STPG2: variants seen among roughly 807,000 people sequenced by gnomAD.
STPG2 encodes sperm tail PG-rich repeat containing 2.
STPG2 carries 56 observed loss-of-function variants against 54.2 expected under a neutral mutation model. That is an observed-to-expected ratio of 1.03 (90% CI 0.83 to 1.29). The LOEUF is 1.29. STPG2 is among the 50% of genes most tolerant of loss of function. The pLI is 0.00. For synonymous variants in STPG2, 200 were observed against 181.8 expected, an observed-to-expected ratio of 1.10 and a Z score of -0.81; for missense variants, 596 against 544.9, an observed-to-expected ratio of 1.09 and a Z score of -0.93.
At chr4:97,889,664 A>G (rs1730696257) in intron 8 of STPG2, among the ~76,000 whole-genome samples, 1 of 152,184 alleles carries the variant, frequency 6.6e-6, no homozygotes, top group South Asian at 2.1e-4. Context: ...GGCTGGTAGT[A>G]AGGGAAAAAG....
At chr4:97,985,268 A>G (rs984320703) in intron 5 of STPG2, among the ~76,000 whole-genome samples, 37 of 152,162 alleles carry the variant, frequency 2.4e-4, no homozygotes, top group African/African-American at 8.7e-4. Flanking sequence ...AAATATATAT[A>G]TTACTGTTTA....
intron 4 of STPG2, among the ~76,000 whole-genome samples, chr4:97,519,763 GA>G (rs555144898): frequency 1.3e-5 from 2 of 148,964 alleles, no homozygotes; most frequent in Non-Finnish European, 3.0e-5. Context: ...GATTATTTCA[GA>G]AAAAAAAATG....
intron 3 of STPG2, among the ~76,000 whole-genome samples, chr4:98,116,258 A>G (rs1739524165): frequency 6.6e-6 from 1 of 151,778 alleles, no homozygotes; most frequent in African/African-American, 2.4e-5. Flanking sequence ...GAAACAAAAA[A>G]AAAATAGCTT....
At chr4:98,088,392 A>G (rs1022333168) in intron 5 of STPG2, among the ~76,000 whole-genome samples, 1 of 152,102 alleles carries the variant, frequency 6.6e-6, no homozygotes, top group Admixed American at 6.5e-5. Context: ...TATTTTTTCT[A>G]ATTGTTTCCT....
rs1740353868 is a variant in STPG2 at position 98,143,217 on chromosome 4, G to A, written c.-67C>T. ...GAAAACGATAAAAACAAGGTAGCTA[G>A]AAGTGTGGAGAAAAAGGAAGCCGAC... On this transcript the variant is annotated 5_prime_UTR_variant, in exon 1 of 11. Transcript: ENST00000295268. The A allele has an allele frequency of 7.1e-6, 9 of 1,260,746 alleles. No individual in the cohort carries two copies. Among genetic ancestry groups the A allele is most frequent in the African/African-American group, 1.5e-5 (1 of 67,020 alleles). The allele number at this position is 1,260,746 out of a possible 1,614,324, so 78.1% of individuals were successfully genotyped here.
intron 10 of STPG2, among the ~76,000 whole-genome samples, chr4:97,636,551 G>C (rs1443135397): frequency 2.3e-5 from 3 of 132,354 alleles, no homozygotes; most frequent in Admixed American, 1.5e-4. Flanking sequence ...ATGAATCCAG[G>C]AGCTGGTTTT....
At chr4:97,961,663 C>T (rs545050311) in intron 7 of STPG2, among the ~76,000 whole-genome samples, 30 of 152,144 alleles carry the variant, frequency 2.0e-4, no homozygotes, top group African/African-American at 7.2e-4. Flanking sequence ...TGTGATACCA[C>T]CTTACTCCTG....
chr4:97,834,071 C>T (rs772121655), intron 9 of STPG2, among the ~76,000 whole-genome samples: 4 of 152,048 alleles, frequency 2.6e-5, no homozygotes, highest in South Asian at 2.1e-4. Context: ...ATGTGTATTG[C>T]GGCACTCTTC....
At chr4:98,121,280 T>C (rs775828655) in intron 3 of STPG2, among the ~76,000 whole-genome samples, 40 of 152,224 alleles carry the variant, frequency 2.6e-4, no homozygotes, top group Non-Finnish European at 3.4e-4. Flanking sequence ...CCAAGCTGTT[T>C]TGGTTAATGT....
At chr4:97,457,167 C>T (rs530978411) in intron 4 of STPG2, among the ~76,000 whole-genome samples, 1 of 152,164 alleles carries the variant, frequency 6.6e-6, no homozygotes, top group East Asian at 1.9e-4. Context: ...TACAAAATGA[C>T]ACAGCCACTT....
intron 4 of STPG2, among the ~76,000 whole-genome samples, chr4:97,474,308 T>G (rs2148816841): frequency 6.6e-6 from 1 of 152,276 alleles, no homozygotes; most frequent in South Asian, 2.1e-4. Flanking sequence ...GTTGGCTTTC[T>G]TGCATTTTCC....
chr4:97,726,800 CAT>C (rs200496233), intron 9 of STPG2, among the ~76,000 whole-genome samples: 1,810 of 151,582 alleles, frequency 0.012, 37 homozygotes, highest in African/African-American at 0.041. Flanking sequence ...TACACACACA[CAT>C]AATACAAACA....
chr4:97,635,461 T>C (rs997602215), intron 10 of STPG2, among the ~76,000 whole-genome samples: 4 of 152,126 alleles, frequency 2.6e-5, no homozygotes, highest in African/African-American at 4.8e-5. Context: ...GCTAACATCA[T>C]AATGACAGGA....
chr4:97,917,352 C>T (rs577980927), intron 8 of STPG2: 4 of 152,342 alleles, frequency 2.6e-5, no homozygotes, highest in Non-Finnish European at 5.9e-5. Context: ...CCTCTCTCTC[C>T]TGCAGAGCAA....
intron 5 of STPG2, chr4:98,025,899 C>G: frequency 1.3e-6 from 2 of 1,569,498 alleles, no homozygotes; most frequent in Non-Finnish European, 1.7e-6. Context: ...GGAGGCTTGT[C>G]TATCCCTCAC....
intron 8 of STPG2, among the ~76,000 whole-genome samples, chr4:97,939,179 T>G (rs562282041): frequency 6.6e-6 from 1 of 152,350 alleles, no homozygotes; most frequent in South Asian, 2.1e-4. Context: ...AAGGATGCGT[T>G]TGGTATGATT....
At chr4:97,793,549 A>C (rs1727075793) in intron 9 of STPG2, among the ~76,000 whole-genome samples, 2 of 152,082 alleles carry the variant, frequency 1.3e-5, no homozygotes, top group Non-Finnish European at 2.9e-5. Context: ...AGTGCTTATT[A>C]CTAAAATCTT....
intron 5 of STPG2, among the ~76,000 whole-genome samples, chr4:98,035,483 C>A (rs1736743649): frequency 6.6e-6 from 1 of 152,088 alleles, no homozygotes; most frequent in African/African-American, 2.4e-5. Context: ...TAGGAACGCT[C>A]TTCCACTGTT....
intron 4 of STPG2, among the ~76,000 whole-genome samples, chr4:97,456,261 G>A (rs947471055): frequency 5.3e-5 from 8 of 152,192 alleles, no homozygotes; most frequent in African/African-American, 1.9e-4. Flanking sequence ...GAGGCCTCAG[G>A]AAACTTACAA....
Sources: gnomAD v4.1 joint callset for allele counts (sites outside exome capture counted in the v4.1 genomes callset) on GRCh38, gnomAD v4.1.1 for gene constraint, MANE v1.5 for transcripts, NCBI Gene and HGNC (gene_info 2026-07-23, HGNC 2026-07-21) for gene names.